The following PTPN4 variants were observed in gnomAD, a reference collection of about 807,000 sequenced individuals.
The protein encoded by PTPN4 is protein tyrosine phosphatase non-receptor type 4.
In PTPN4, 49 loss-of-function variants were observed where a neutral mutation model predicts 135.5. That is an observed-to-expected ratio of 0.36 (90% CI 0.29 to 0.46). The LOEUF is 0.46. PTPN4 is among the 20% of genes least tolerant of loss of function. The pLI, the probability that PTPN4 is intolerant of heterozygous loss-of-function variation, is 1.00. For synonymous variants in PTPN4, 333 were observed against 369.9 expected, an observed-to-expected ratio of 0.90 and a Z score of 1.14; for missense variants, 860 against 1,101.0, an observed-to-expected ratio of 0.78 and a Z score of 3.10.
intron 1 of PTPN4, among the ~76,000 whole-genome samples, chr2:119,791,594 A>T (rs939290903): frequency 2.0e-5 from 3 of 152,196 alleles, no homozygotes; most frequent in Admixed American, 6.5e-5. Context: ...TCCTATTAAT[A>T]CTTTGAATGT....
chr2:119,884,831 C>T (rs1402243819), intron 8 of PTPN4, among the ~76,000 whole-genome samples: 4 of 152,036 alleles, frequency 2.6e-5, no homozygotes, highest in Non-Finnish European at 5.9e-5. Context: ...GTGTTATGAT[C>T]ATGCATTAGC....
At chr2:119,862,741 G>GT (rs547396647) in intron 3 of PTPN4, 98 bp downstream of exon 3, 13,015 of 785,814 alleles carry the variant, frequency 0.017, no homozygotes, top group South Asian at 0.022. Context: ...GATTTGATGA[G>GT]TTTTTTTTTT....
At chr2:119,768,147 A>T (rs6744120) in intron 1 of PTPN4, among the ~76,000 whole-genome samples, 148,145 of 152,292 alleles carry the variant, frequency 0.97, 72,189 homozygotes, top group East Asian at 1. Context: ...TTAGTGGTTT[A>T]TATTAGTTAC....
chr2:119,789,137 G>A (rs1169604539), intron 1 of PTPN4, among the ~76,000 whole-genome samples: 1 of 151,214 alleles, frequency 6.6e-6, no homozygotes, highest in Non-Finnish European at 1.5e-5. Flanking sequence ...GTGTGAGGTG[G>A]GTATTTCATT....
In PTPN4 at chr2:119,979,130, GAGAA is replaced by G. The variant is rs1306739336; in HGVS notation, c.*2063_*2066del. 1 of 152,020 alleles carries G rather than the reference GAGAA, an allele frequency of 6.6e-6. No individual in the cohort carries two copies. Among genetic ancestry groups the G allele is most frequent in the African/African-American group, 2.4e-5 (1 of 41,426 alleles). 9.4% of individuals were successfully genotyped at this position (152,020 alleles called of 1,614,324 possible). A position where few individuals can be genotyped will look rare whatever the true frequency, so the allele number is the denominator to read the frequency against. On this transcript the variant is annotated 3_prime_UTR_variant, in exon 27 of 27. Transcript: ENST00000263708. ...TATATGACATGATAAATTAAAAACT[GAGAA>G]AGTAAAATTATGTCGGGGTCTACAC...
At chr2:119,827,924 A>T (rs1255790810) in intron 2 of PTPN4, among the ~76,000 whole-genome samples, 1 of 152,190 alleles carries the variant, frequency 6.6e-6, no homozygotes, top group Non-Finnish European at 1.5e-5. Flanking sequence ...CTACACGTAC[A>T]CTTGATACTC....
At chr2:119,923,604 T>G (rs1678768832) in intron 12 of PTPN4, among the ~76,000 whole-genome samples, 1 of 152,068 alleles carries the variant, frequency 6.6e-6, no homozygotes, top group Non-Finnish European at 1.5e-5. Context: ...TATTAAGTAG[T>G]AAAATTCAGC....
intron 15 of PTPN4, among the ~76,000 whole-genome samples, chr2:119,943,584 T>TC (rs1228378918): frequency 7.9e-5 from 10 of 126,422 alleles, no homozygotes; most frequent in South Asian, 5.6e-4. Context: ...TTTTTTCTTT[T>TC]TTTTTTTTTT....
At chr2:119,969,919 G>A (rs531748569) in intron 26 of PTPN4, among the ~76,000 whole-genome samples, 8 of 152,106 alleles carry the variant, frequency 5.3e-5, no homozygotes, top group African/African-American at 1.4e-4. Context: ...ACTAAAAACC[G>A]TCTTTTTAAA....
intron 5 of PTPN4, among the ~76,000 whole-genome samples, chr2:119,878,858 C>T (rs1322371235): frequency 6.6e-6 from 1 of 151,750 alleles, no homozygotes; most frequent in Non-Finnish European, 1.5e-5. Flanking sequence ...CTTTGGGAGG[C>T]CAAGGTGGGC....
intron 2 of PTPN4, among the ~76,000 whole-genome samples, chr2:119,819,648 C>T (rs988398795): frequency 5.9e-5 from 9 of 152,184 alleles, no homozygotes; most frequent in African/African-American, 2.2e-4. Flanking sequence ...ATTTCATCTG[C>T]AACATTTGAG....
intron 12 of PTPN4, among the ~76,000 whole-genome samples, chr2:119,920,923 A>G (rs935106116): frequency 5.9e-5 from 9 of 152,198 alleles, no homozygotes; most frequent in African/African-American, 2.2e-4. Flanking sequence ...ATCTTTTAGT[A>G]AAACAAATGT....
At chr2:119,806,339 G>A (rs1315430818) in intron 1 of PTPN4, among the ~76,000 whole-genome samples, 12 of 152,100 alleles carry the variant, frequency 7.9e-5, no homozygotes, top group Non-Finnish European at 1.5e-4. Context: ...CCCATCTCAC[G>A]TGCAGAGACA....
intron 5 of PTPN4, among the ~76,000 whole-genome samples, chr2:119,878,159 C>T (rs373131107): frequency 3.3e-5 from 5 of 152,070 alleles, no homozygotes; most frequent in East Asian, 3.9e-4. Context: ...ATGGTCATTT[C>T]GACTTGACAG....
intron 1 of PTPN4, chr2:119,791,020 A>G (rs1361629238): frequency 6.6e-6 from 1 of 152,142 alleles, no homozygotes; most frequent in East Asian, 1.9e-4. Context: ...AAGCCCATCA[A>G]CGTTGTATTG....
chr2:119,903,164 G>A (rs1478859852), intron 10 of PTPN4, among the ~76,000 whole-genome samples: 1 of 152,128 alleles, frequency 6.6e-6, no homozygotes, highest in East Asian at 1.9e-4. Flanking sequence ...CATAAAGGGA[G>A]ATGAAGCATG....
intron 2 of PTPN4, among the ~76,000 whole-genome samples, chr2:119,851,365 A>G (rs1677588426): frequency 6.6e-6 from 1 of 152,194 alleles, no homozygotes; most frequent in South Asian, 2.1e-4. Flanking sequence ...TTTATTAAAA[A>G]GCTTTAGAAC....
intron 2 of PTPN4, among the ~76,000 whole-genome samples, chr2:119,821,093 ATT>A (rs34372928): frequency 0.031 from 3,804 of 122,326 alleles, 51 homozygotes; most frequent in African/African-American, 0.064. Flanking sequence ...TCTATCCATA[ATT>A]TTTTTTTTTT....
intron 1 of PTPN4, among the ~76,000 whole-genome samples, chr2:119,795,477 A>G (rs1691237335): frequency 6.6e-6 from 1 of 152,162 alleles, no homozygotes; most frequent in African/African-American, 2.4e-5. Flanking sequence ...AGAGGGGGCC[A>G]AGGTGGCAGG....
Sources: allele counts gnomAD v4.1 joint callset (sites outside exome capture counted in the v4.1 genomes callset), GRCh38; gene constraint gnomAD v4.1.1; transcripts MANE v1.5; gene names NCBI Gene and HGNC (gene_info 2026-07-23, HGNC 2026-07-21).